The following DCHS2 variants were observed in gnomAD, a reference collection of about 807,000 sequenced individuals.
DCHS2 encodes the protein protocadherin-23.
A neutral mutation model predicts 182.4 loss-of-function variants in DCHS2; 142 were observed. The ratio of observed to expected loss-of-function variants is 0.78; its 90% CI spans 0.68 to 0.89. The LOEUF is 0.89. DCHS2 is among the 40% of genes least tolerant of loss of function. The pLI is 0.00. For missense variants in DCHS2, 4,319 were observed against 4,198.6 expected, an observed-to-expected ratio of 1.03 and a Z score of -0.79; for synonymous variants, 1,740 against 1,663.3, an observed-to-expected ratio of 1.05 and a Z score of -1.12.
chr4:154,307,697 A>T (rs2111306179), intron 10 of DCHS2, among the ~76,000 whole-genome samples: 1 of 152,330 alleles, frequency 6.6e-6, no homozygotes, highest in Admixed American at 6.5e-5. Flanking sequence ...TGAATATCCA[A>T]CAGATGGCTG....
At chr4:154,302,095 T>C (rs1035641031) in intron 12 of DCHS2, among the ~76,000 whole-genome samples, 1 of 152,202 alleles carries the variant, frequency 6.6e-6, no homozygotes, top group Non-Finnish European at 1.5e-5. Flanking sequence ...GATCAATATT[T>C]TAAGCATAAA....
intron 12 of DCHS2, among the ~76,000 whole-genome samples, chr4:154,303,230 C>T (rs1015653328): frequency 5.3e-5 from 8 of 152,008 alleles, no homozygotes; most frequent in East Asian, 1.9e-4. Flanking sequence ...GATCCGCCCA[C>T]GTTGGCCTCC....
rs768671157 is a variant in DCHS2, at chr4:154,366,193, G to C, written c.2476+17C>G. The C allele has an allele frequency of 6.3e-7, 1 of 1,594,272 alleles. No individual in the cohort carries two copies. The highest frequency in any genetic ancestry group is 8.6e-7 in the Non-Finnish European group (1 of 1,162,638). On this transcript the variant is annotated intron_variant, in intron 3 of 19. Coordinates refer to ENST00000357232, the MANE Select transcript of DCHS2 (RefSeq NM_001358235.2). ...ACTTTATAGCCAAAGGATGAAAACT[G>C]TTCCAAGATCACATACCTGTGGTGG...
intron 3 of DCHS2, among the ~76,000 whole-genome samples, chr4:154,363,037 T>G (rs1282503827): frequency 2.0e-5 from 3 of 152,206 alleles, no homozygotes; most frequent in African/African-American, 7.2e-5. Context: ...GGTTAGCATC[T>G]CTACCCTCTG....
At chr4:154,481,632 CT>C (rs1042494424) in intron 1 of DCHS2, among the ~76,000 whole-genome samples, 2 of 152,148 alleles carry the variant, frequency 1.3e-5, no homozygotes, top group Non-Finnish European at 2.9e-5. Flanking sequence ...TAATGGTAAA[CT>C]TTCCTGGGAG....
intron 1 of DCHS2, among the ~76,000 whole-genome samples, chr4:154,408,431 G>C (rs144174256): frequency 6.6e-6 from 1 of 152,060 alleles, no homozygotes. Context: ...TGTTGACCAC[G>C]GAAAATAAAA....
chr4:154,269,091 T>C (rs556678511), intron 14 of DCHS2: 3 of 152,194 alleles, frequency 2.0e-5, no homozygotes, highest in South Asian at 2.1e-4. Context: ...AATGCAACAA[T>C]GGGATGAAGA....
intron 9 of DCHS2, among the ~76,000 whole-genome samples, chr4:154,318,213 C>T (rs4696206): frequency 0.81 from 121,627 of 150,914 alleles, 51,527 homozygotes; most frequent in South Asian, 0.94. Context: ...TATATATATG[C>T]ATACGTATAT....
intron 1 of DCHS2, among the ~76,000 whole-genome samples, chr4:154,444,236 A>G (rs548633881): frequency 2.2e-4 from 33 of 152,302 alleles, no homozygotes; most frequent in African/African-American, 7.9e-4. Flanking sequence ...TCAGAATTGT[A>G]TATCCAATTC....
intron 14 of DCHS2, chr4:154,269,453 C>G (rs1312587743): frequency 6.3e-6 from 1 of 158,938 alleles, no homozygotes; most frequent in Non-Finnish European, 1.4e-5. Context: ...AATTTCTTTA[C>G]CACTGTGTAG....
At chr4:154,410,090 T>G (rs1238504226) in intron 1 of DCHS2, among the ~76,000 whole-genome samples, 2 of 152,080 alleles carry the variant, frequency 1.3e-5, no homozygotes, top group African/African-American at 4.8e-5. Context: ...CAGCCAGCAA[T>G]GCAGGGCCAC....
intron 14 of DCHS2, among the ~76,000 whole-genome samples, chr4:154,266,673 A>G (rs1374423563): frequency 6.8e-6 from 1 of 146,886 alleles, no homozygotes; most frequent in Non-Finnish European, 1.5e-5. Context: ...AAAAAAAAAG[A>G]AAGCTTGTCA....
chr4:154,314,429 C>G (rs1348087513), intron 10 of DCHS2, among the ~76,000 whole-genome samples: 1 of 152,150 alleles, frequency 6.6e-6, no homozygotes, highest in African/African-American at 2.4e-5. Context: ...TAGCATGCTT[C>G]GGACTCAACT....
intron 3 of DCHS2, chr4:154,357,272 G>T: frequency 6.2e-7 from 1 of 1,613,414 alleles, no homozygotes; most frequent in East Asian, 2.2e-5. Context: ...TTACTTCCTT[G>T]TCTGCTGAAA....
At position 154,297,945 on chromosome 4, in the gene DCHS2, C is replaced by A. The variant is rs756175929; in HGVS notation, c.6369G>T (p.Thr2123=). The change falls in exon 13 of 20, where the codon ACG becomes ACT. Residue 2123 remains threonine, a synonymous_variant. Coordinates refer to ENST00000357232, the MANE Select transcript of DCHS2 (RefSeq NM_001358235.2). ...CTTCCATGTGAATGACCAAGAGACCCGTGGTTGTCCTGGCTGGAATGCCCT... is the reference window on the plus strand; with the variant it reads ...CTTCCATGTGAATGACCAAGAGACCAGTGGTTGTCCTGGCTGGAATGCCCT... ...TDQGIPARTT[T]GLLVIHMEGE... is the part of the protein sequence containing the mutation. The A allele has an allele frequency of 6.2e-7, 1 of 1,614,062 alleles. No homozygotes were observed. The highest frequency in any genetic ancestry group is 2.2e-5 in the East Asian group (1 of 44,864).
At chr4:154,452,290 A>C (rs950013479) in intron 1 of DCHS2, among the ~76,000 whole-genome samples, 3 of 152,202 alleles carry the variant, frequency 2.0e-5, no homozygotes, top group African/African-American at 7.2e-5. Flanking sequence ...TTGTCAATCT[A>C]ATACTCTCCT....
At chr4:154,475,541 G>A (rs1464731072) in intron 1 of DCHS2, among the ~76,000 whole-genome samples, 2 of 152,026 alleles carry the variant, frequency 1.3e-5, no homozygotes, top group African/African-American at 4.8e-5. Flanking sequence ...TTATGACCAC[G>A]TCCAGTCCCA....
chr4:154,306,509 G>A (rs1052509176), intron 10 of DCHS2, among the ~76,000 whole-genome samples: 4 of 151,780 alleles, frequency 2.6e-5, no homozygotes, highest in African/African-American at 9.7e-5. Context: ...TATAAAAATG[G>A]GAACAATATT....
chr4:154,462,961 A>G (rs1031324689), intron 1 of DCHS2, among the ~76,000 whole-genome samples: 1 of 152,064 alleles, frequency 6.6e-6, no homozygotes, highest in African/African-American at 2.4e-5. Context: ...AAATGACATG[A>G]AATGAGAAAA....
Sources: allele counts gnomAD v4.1 joint callset (sites outside exome capture counted in the v4.1 genomes callset), GRCh38; gene constraint gnomAD v4.1.1; transcripts MANE v1.5; gene names NCBI Gene and HGNC (gene_info 2026-07-23, HGNC 2026-07-21).